Variants in MYOF observed in about 807,000 individuals in gnomAD.
MYOF encodes the protein fer-1-like 3, myoferlin.
Under a neutral mutation model 284.2 loss-of-function variants are expected in MYOF, and 244 were observed. The observed-to-expected ratio is 0.86, with a 90% confidence interval of 0.77 to 0.95. The LOEUF (loss-of-function observed/expected upper bound fraction) is 0.95. MYOF is among the 40% of genes least tolerant of loss of function. The pLI is 0.00. For synonymous variants in MYOF, 904 were observed against 919.7 expected, an observed-to-expected ratio of 0.98 and a Z score of 0.31; for missense variants, 2,496 against 2,560.6, an observed-to-expected ratio of 0.97 and a Z score of 0.54.
chr10:93,470,514 C>A (rs2057121291), intron 1 of MYOF, among the ~76,000 whole-genome samples: 1 of 152,054 alleles, frequency 6.6e-6, no homozygotes, highest in South Asian at 2.1e-4. Flanking sequence ...CATTCTCCTG[C>A]CTCAGCCTCC....
chr10:93,435,289 A>T (rs1184678631), intron 3 of MYOF, among the ~76,000 whole-genome samples: 1 of 152,200 alleles, frequency 6.6e-6, no homozygotes, highest in Non-Finnish European at 1.5e-5. Flanking sequence ...TGAAGTAGAA[A>T]GAGGGCCAGC....
rs749772640 is a variant in MYOF at position 93,408,768 on chromosome 10, G to A, written c.729+19C>T. 23 of 1,613,798 alleles carry A rather than the reference G, an allele frequency of 1.4e-5. No individual in the cohort carries two copies. The highest frequency in any genetic ancestry group is 6.7e-5 in the Admixed American group (4 of 59,986). Reference sequence around the variant, plus strand: ...CAGTGGGACTCATGAGCAGAAACATGCCCTCTCAACCCCTTTACCTCATCA... The same window carrying A: ...CAGTGGGACTCATGAGCAGAAACATACCCTCTCAACCCCTTTACCTCATCA... On this transcript the variant is annotated intron_variant, in intron 7 of 53. Coordinates refer to ENST00000359263, the MANE Select transcript of MYOF (RefSeq NM_013451.4).
At chr10:93,425,959 G>A (rs1848571201) in intron 5 of MYOF, 112 bp downstream of exon 5, 1 of 1,106,506 alleles carries the variant, frequency 9.0e-7, no homozygotes, top group African/African-American at 1.6e-5. Flanking sequence ...TGTCTGGGTG[G>A]GCAGGGAGCT....
In MYOF at chr10:93,329,809, G is replaced by T. The variant is rs1843222673; in HGVS notation, c.4837C>A (p.Pro1613Thr). ...GRMYELSCYL[P>T]QEKDLKISVY... ...GAAATTTTCAGGTCTTTTTCTTGAG[G>T]TAAGTAGCAGCTCAGTTCGTACATC... The change falls in exon 44 of 54, where the codon CCT becomes ACT. Residue 1613 changes from proline to threonine, a missense_variant. Pro to Thr is a conservative substitution (Grantham distance 38, BLOSUM62 -1). Transcript: ENST00000359263. The T allele has an allele frequency of 2.5e-6, 4 of 1,614,070 alleles. No individual in the cohort carries two copies. In the African/African-American group the frequency reaches 4.0e-5, roughly 16 times the overall value.
At chr10:93,422,077 AT>A (rs1287723087) in intron 5 of MYOF, among the ~76,000 whole-genome samples, 1 of 152,100 alleles carries the variant, frequency 6.6e-6, no homozygotes, top group Non-Finnish European at 1.5e-5. Flanking sequence ...AGCCCGGTTT[AT>A]TTTTTGTAAT....
intron 1 of MYOF, among the ~76,000 whole-genome samples, chr10:93,469,856 A>G (rs987146616): frequency 6.6e-6 from 1 of 151,526 alleles, no homozygotes; most frequent in Non-Finnish European, 1.5e-5. Context: ...CATTTCACCC[A>G]CTCTACCCGA....
intron 3 of MYOF, 118 bp downstream of exon 3, chr10:93,451,932 A>C: frequency 1.3e-6 from 1 of 792,846 alleles, no homozygotes; most frequent in Non-Finnish European, 2.1e-6. Flanking sequence ...GCATGGAATT[A>C]AAGCACATTT....
chr10:93,420,900 A>G (rs539571521), intron 5 of MYOF, among the ~76,000 whole-genome samples: 9 of 152,298 alleles, frequency 5.9e-5, no homozygotes, highest in South Asian at 4.1e-4. Flanking sequence ...TAGAATGGTA[A>G]AGTTTTAGGG....
chr10:93,429,939 A>T (rs896672865), intron 4 of MYOF, among the ~76,000 whole-genome samples: 7 of 145,614 alleles, frequency 4.8e-5, no homozygotes, highest in Non-Finnish European at 1.1e-4. Context: ...TATTTTTTTA[A>T]TTTTTTTTTT....
chr10:93,357,729 A>G (rs1029597969), intron 29 of MYOF, among the ~76,000 whole-genome samples: 11 of 152,234 alleles, frequency 7.2e-5, no homozygotes, highest in African/African-American at 2.4e-4. Context: ...CTAGTAACAT[A>G]AATAGTAGCA....
chr10:93,409,539 T>C (rs771443302), intron 6 of MYOF, 34 bp downstream of exon 6: 2 of 1,603,270 alleles, frequency 1.2e-6, no homozygotes, highest in African/African-American at 2.7e-5. Flanking sequence ...ATATAAAGAT[T>C]AAACAAAGAA....
At chr10:93,456,446 C>G (rs1021097954) in intron 2 of MYOF, among the ~76,000 whole-genome samples, 15 of 152,186 alleles carry the variant, frequency 9.9e-5, no homozygotes, top group African/African-American at 3.4e-4. Flanking sequence ...CATGTCATTA[C>G]CCAGCTAGAC....
At chr10:93,361,980 G>A (rs566217236) in intron 27 of MYOF, among the ~76,000 whole-genome samples, 37 of 152,274 alleles carry the variant, frequency 2.4e-4, no homozygotes, top group African/African-American at 7.9e-4. Context: ...ACAGAGCCTC[G>A]CTCTGTTGCC....
chr10:93,464,998 C>T (rs975386660), intron 1 of MYOF, among the ~76,000 whole-genome samples: 5 of 152,186 alleles, frequency 3.3e-5, no homozygotes, highest in African/African-American at 9.7e-5. Context: ...CCCTGAACCA[C>T]ACCCATACAT....
chr10:93,408,971 G>A, intron 6 of MYOF, 56 bp from the exon 7 acceptor site: 3 of 1,607,314 alleles, frequency 1.9e-6, no homozygotes, highest in Non-Finnish European at 2.5e-6. Flanking sequence ...GGGATCCTTA[G>A]GATCCTCAGG....
intron 4 of MYOF, among the ~76,000 whole-genome samples, chr10:93,427,291 G>A (rs887927623): frequency 6.6e-6 from 1 of 151,842 alleles, no homozygotes; most frequent in African/African-American, 2.4e-5. Flanking sequence ...TCCCAGCACT[G>A]GGAGGCCAAG....
intron 45 of MYOF, among the ~76,000 whole-genome samples, chr10:93,328,292 A>G (rs549817730): frequency 6.6e-6 from 1 of 152,282 alleles, no homozygotes; most frequent in African/African-American, 2.4e-5. Flanking sequence ...GCGTCAGGAC[A>G]GGTCGGATTA....
At chr10:93,339,834 C>T (rs997608706) in intron 39 of MYOF, among the ~76,000 whole-genome samples, 29 of 152,006 alleles carry the variant, frequency 1.9e-4, no homozygotes, top group Non-Finnish European at 3.5e-4. Flanking sequence ...AATCACAGCA[C>T]TTTGGGAGGC....
intron 1 of MYOF, among the ~76,000 whole-genome samples, chr10:93,471,453 C>T (rs1056577719): frequency 6.6e-5 from 10 of 152,032 alleles, no homozygotes; most frequent in African/African-American, 2.4e-4. Flanking sequence ...GTTGTGTAGT[C>T]AGAGGTTGTG....
Sources: gnomAD v4.1 joint callset for allele counts (sites outside exome capture counted in the v4.1 genomes callset) on GRCh38, gnomAD v4.1.1 for gene constraint, MANE v1.5 for transcripts, NCBI Gene and HGNC (gene_info 2026-07-23, HGNC 2026-07-21) for gene names.